Variants in OPCML observed in about 807,000 individuals in gnomAD.
OPCML encodes opioid binding protein/cell adhesion molecule like.
OPCML carries 13 observed loss-of-function variants against 37.8 expected under a neutral mutation model. That is an observed-to-expected ratio of 0.34 (90% CI 0.22 to 0.55). The LOEUF is 0.55. OPCML is among the 20% of genes least tolerant of loss of function. The pLI is 0.91. For synonymous variants in OPCML, 176 were observed against 168.8 expected, an observed-to-expected ratio of 1.04 and a Z score of -0.33; for missense variants, 341 against 435.6, an observed-to-expected ratio of 0.78 and a Z score of 1.93.
intron 3 of OPCML, among the ~76,000 whole-genome samples, chr11:132,642,504 C>T (rs7108908): frequency 0.49 from 74,317 of 152,076 alleles, 18,310 homozygotes; most frequent in Middle Eastern, 0.58. Flanking sequence ...CAAAATCTAA[C>T]ATAATTTATC....
At chr11:133,464,481 C>A (rs897294299) in intron 1 of OPCML, among the ~76,000 whole-genome samples, 3 of 152,126 alleles carry the variant, frequency 2.0e-5, no homozygotes, top group African/African-American at 4.8e-5. Flanking sequence ...TGGCAGGAGA[C>A]CCTCATTGGA....
At chr11:133,274,918 G>A (rs999978073) in intron 1 of OPCML, among the ~76,000 whole-genome samples, 13 of 152,146 alleles carry the variant, frequency 8.5e-5, no homozygotes, top group African/African-American at 2.7e-4. Context: ...CAGGAATCCC[G>A]GGTGTCGTTT....
intron 1 of OPCML, among the ~76,000 whole-genome samples, chr11:132,994,630 C>T (rs957817920): frequency 1.3e-5 from 2 of 152,180 alleles, no homozygotes; most frequent in Non-Finnish European, 2.9e-5. Context: ...CACCCACCCA[C>T]CGGTACCTGA....
chr11:132,721,270 C>A (rs922022427), intron 2 of OPCML, among the ~76,000 whole-genome samples: 2 of 152,160 alleles, frequency 1.3e-5, no homozygotes, highest in East Asian at 3.9e-4. Context: ...TGGATGTCTG[C>A]ATGCTGAGGG....
intron 2 of OPCML, among the ~76,000 whole-genome samples, chr11:132,762,657 C>G (rs376574012): frequency 1.1e-4 from 17 of 152,106 alleles, no homozygotes; most frequent in African/African-American, 4.1e-4. Flanking sequence ...GGTGGATGCC[C>G]GTCCCCCCAC....
chr11:133,125,150 C>T (rs1413583727), intron 1 of OPCML, among the ~76,000 whole-genome samples: 1 of 152,134 alleles, frequency 6.6e-6, no homozygotes, highest in Non-Finnish European at 1.5e-5. Context: ...GCTCCTTTCT[C>T]AATGCTTTGG....
At chr11:132,869,189 GA>G (rs753228583) in intron 2 of OPCML, among the ~76,000 whole-genome samples, 38 of 152,120 alleles carry the variant, frequency 2.5e-4, no homozygotes, top group Non-Finnish European at 4.9e-4. Context: ...AGAATCGAAG[GA>G]GTTTATCAGA....
intron 4 of OPCML, among the ~76,000 whole-genome samples, chr11:132,469,357 CAT>C (rs960571637): frequency 1.3e-4 from 20 of 152,160 alleles, no homozygotes; most frequent in African/African-American, 2.6e-4. Context: ...AGGGCTCACA[CAT>C]GTGTGGGTGT....
At chr11:132,924,005 C>A (rs377031188) in intron 2 of OPCML, among the ~76,000 whole-genome samples, 2 of 151,576 alleles carry the variant, frequency 1.3e-5, no homozygotes, top group Non-Finnish European at 2.9e-5. Context: ...TCAGGTGATC[C>A]GCCCGCCTCG....
At chr11:133,425,101 G>T (rs1166320778) in intron 1 of OPCML, among the ~76,000 whole-genome samples, 2 of 152,126 alleles carry the variant, frequency 1.3e-5, no homozygotes, top group Admixed American at 1.3e-4. Context: ...AGATTGTTCA[G>T]CTGGAATCAT....
At position 133,327,039 on chromosome 11, in the gene OPCML, C is replaced by T. The variant is rs1466153558; in HGVS notation, c.61+205225G>A. ...GGGTGTGTGTATGTGGGTGTGGGTG[C>T]GTGTATGTGTGTGTGGGGTGTGGGT... On this transcript the variant is annotated intron_variant, in intron 1 of 7. Transcript: ENST00000524381. Among the ~76,000 whole-genome samples the T allele has an allele frequency of 1.6e-3, 55 of 34,954 alleles. 1 individual carries two copies. The highest frequency in any genetic ancestry group is 5.6e-3 in the African/African-American group (49 of 8,708). 22.9% of individuals were successfully genotyped at this position (34,954 alleles called of 152,430 possible).
At chr11:132,564,489 AAG>A (rs2096417832) in intron 3 of OPCML, among the ~76,000 whole-genome samples, 2 of 152,194 alleles carry the variant, frequency 1.3e-5, no homozygotes, top group Non-Finnish European at 2.9e-5. Context: ...CTTATGCAAG[AAG>A]GGCTCAGTAA....
At chr11:132,968,791 C>T (rs778662349) in intron 1 of OPCML, among the ~76,000 whole-genome samples, 7 of 152,234 alleles carry the variant, frequency 4.6e-5, no homozygotes, top group Non-Finnish European at 7.4e-5. Flanking sequence ...TATGGACTAT[C>T]GTGTCATCAG....
chr11:132,773,886 A>C (rs79745868), intron 2 of OPCML, among the ~76,000 whole-genome samples: 1,610 of 152,230 alleles, frequency 0.011, 13 homozygotes, highest in Middle Eastern at 0.034. Context: ...CAACTCTATC[A>C]ATCACCACAG....
intron 3 of OPCML, among the ~76,000 whole-genome samples, chr11:132,552,952 T>G (rs191273504): frequency 6.6e-6 from 1 of 151,818 alleles, no homozygotes; most frequent in African/African-American, 2.4e-5. Flanking sequence ...TTTTAGTAGA[T>G]ACGGTGTTTC....
At chr11:132,872,463 G>C (rs1398502640) in intron 2 of OPCML, among the ~76,000 whole-genome samples, 1 of 152,034 alleles carries the variant, frequency 6.6e-6, no homozygotes, top group African/African-American at 2.4e-5. Context: ...CGACAACAGG[G>C]CACATTTTCA....
At chr11:132,850,187 A>G (rs956828277) in intron 2 of OPCML, among the ~76,000 whole-genome samples, 1 of 152,084 alleles carries the variant, frequency 6.6e-6, no homozygotes, top group Non-Finnish European at 1.5e-5. Context: ...CCTCTGGGAA[A>G]CCTCCTGTGT....
chr11:133,006,216 C>A (rs1483581099), intron 1 of OPCML: 1 of 710,100 alleles, frequency 1.4e-6, no homozygotes, highest in Non-Finnish European at 1.7e-6. Flanking sequence ...CCTGGCCCCT[C>A]GTCTTCCTGC....
At chr11:132,880,041 C>T (rs1284964018) in intron 2 of OPCML, among the ~76,000 whole-genome samples, 3 of 152,246 alleles carry the variant, frequency 2.0e-5, no homozygotes, top group East Asian at 1.9e-4. Flanking sequence ...GCACACTAAG[C>T]TCCTTCTCCC....
Sources: allele counts gnomAD v4.1 joint callset (sites outside exome capture counted in the v4.1 genomes callset), GRCh38; gene constraint gnomAD v4.1.1; transcripts MANE v1.5; gene names NCBI Gene and HGNC (gene_info 2026-07-23, HGNC 2026-07-21).